The following PXDN variants were observed in gnomAD, a reference collection of about 807,000 sequenced individuals.
The protein encoded by PXDN is peroxidasin.
Under a neutral mutation model 140.3 loss-of-function variants are expected in PXDN, and 77 were observed. The ratio of observed to expected loss-of-function variants is 0.55; its 90% CI spans 0.46 to 0.66. PXDN has a LOEUF of 0.66. PXDN is among the 30% of genes least tolerant of loss of function. The pLI is 0.00. For synonymous variants in PXDN, 911 were observed against 857.4 expected (o/e 1.06, Z -1.09); for missense variants, 1,838 against 2,039.5 (o/e 0.90, Z 1.90).
chr2:1,705,299 G>C (rs1461885465), intron 1 of PXDN, among the ~76,000 whole-genome samples: 1 of 152,214 alleles, frequency 6.6e-6, no homozygotes, highest in Admixed American at 6.5e-5. Flanking sequence ...GGCTGGGGTT[G>C]GGAGGGGTGA....
chr2:1,676,404 A>C (rs1683711998), intron 8 of PXDN: 1 of 156,530 alleles, frequency 6.4e-6, no homozygotes, highest in South Asian at 1.9e-4. Flanking sequence ...GACACAAGAG[A>C]AGACTTCCTT....
intron 1 of PXDN, among the ~76,000 whole-genome samples, chr2:1,741,088 G>GCTTC (rs1203888135): frequency 2.0e-4 from 30 of 152,280 alleles, no homozygotes; most frequent in African/African-American, 7.0e-4. Flanking sequence ...CTCCAGGGAA[G>GCTTC]AGAGGAAGGC....
intron 6 of PXDN, among the ~76,000 whole-genome samples, chr2:1,680,871 C>A (rs899008313): frequency 6.6e-6 from 1 of 152,198 alleles, no homozygotes; most frequent in Admixed American, 6.5e-5. Flanking sequence ...GGCTGCATCT[C>A]CTGGCTGGGG....
At chr2:1,675,514 G>C (rs1199696056) in intron 8 of PXDN, among the ~76,000 whole-genome samples, 2 of 152,204 alleles carry the variant, frequency 1.3e-5, no homozygotes, top group Admixed American at 6.5e-5. Flanking sequence ...AAGCTGTGAA[G>C]AGAGTGACTG....
chr2:1,679,648 G>A (rs1370057917), intron 7 of PXDN, among the ~76,000 whole-genome samples: 1 of 141,384 alleles, frequency 7.1e-6, no homozygotes, highest in African/African-American at 2.7e-5. Context: ...GTCTATAAAT[G>A]GTGTGTGTGT....
intron 9 of PXDN, 99 bp from the exon 10 acceptor site, chr2:1,666,585 C>T (rs1027733611): frequency 2.6e-5 from 35 of 1,360,906 alleles, no homozygotes; most frequent in South Asian, 4.6e-5. Flanking sequence ...TATTTACCAC[C>T]GAAATAGGCA....
At position 1,632,034 on chromosome 2, in the gene PXDN, C is replaced by T. The variant is rs1021732743; in HGVS notation, c.*2170G>A. 1 of 152,618 alleles carries T rather than the reference C, an allele frequency of 6.6e-6. No individual in the cohort carries two copies. The highest frequency in any genetic ancestry group is 1.5e-5 in the Non-Finnish European group (1 of 68,052). 9.5% of individuals were successfully genotyped at this position (152,618 alleles called of 1,614,324 possible). A position where few individuals can be genotyped will look rare whatever the true frequency, so the allele number is the denominator to read the frequency against. On this transcript the variant is annotated 3_prime_UTR_variant, in exon 23 of 23. Coordinates refer to ENST00000252804, the MANE Select transcript of PXDN (RefSeq NM_012293.3). This position sits in a 1 kb window ranked among gnomAD's most constrained non-coding sequence, Gnocchi z 4.3. ...AGAAAAGTAAATAAATATGTACATT[C>T]CACTCCTGTTACAGCGATCCCGCAC... is the stretch of plus-strand genomic sequence containing the variant.
chr2:1,689,196 A>ATG (rs1209041177), intron 3 of PXDN, among the ~76,000 whole-genome samples: 1 of 152,200 alleles, frequency 6.6e-6, no homozygotes, highest in African/African-American at 2.4e-5. Context: ...GTTGAAATTA[A>ATG]TGTGTGTGTA....
At chr2:1,734,073 G>A (rs1028913315) in intron 1 of PXDN, among the ~76,000 whole-genome samples, 2 of 152,148 alleles carry the variant, frequency 1.3e-5, no homozygotes, top group African/African-American at 2.4e-5. Flanking sequence ...TATAACATAT[G>A]TACAAATAAA....
At chr2:1,676,043 G>A (rs1281003187) in intron 8 of PXDN, among the ~76,000 whole-genome samples, 1 of 152,186 alleles carries the variant, frequency 6.6e-6, no homozygotes, top group African/African-American at 2.4e-5. Flanking sequence ...CACTTTGAAA[G>A]TGCTCCACTC....
chr2:1,705,822 G>A (rs1271165063), intron 1 of PXDN, among the ~76,000 whole-genome samples: 1 of 151,900 alleles, frequency 6.6e-6, no homozygotes, highest in Non-Finnish European at 1.5e-5. Context: ...GGCTGCCTAT[G>A]ACCTGGGACG....
intron 1 of PXDN, among the ~76,000 whole-genome samples, chr2:1,721,695 C>T (rs781382416): frequency 1.3e-5 from 2 of 152,104 alleles, no homozygotes; most frequent in African/African-American, 4.8e-5. Flanking sequence ...GGCTTGGTGG[C>T]GAGCGCCTGT....
intron 19 of PXDN, among the ~76,000 whole-genome samples, chr2:1,640,742 TG>T (rs1451427135): frequency 6.6e-6 from 1 of 152,100 alleles, no homozygotes; most frequent in Non-Finnish European, 1.5e-5. Context: ...CAGCAACACC[TG>T]GGGTCAAGAA....
At chr2:1,717,982 G>A (rs1308654053) in intron 1 of PXDN, among the ~76,000 whole-genome samples, 2 of 97,804 alleles carry the variant, frequency 2.0e-5, no homozygotes, top group Non-Finnish European at 2.0e-5. Flanking sequence ...AAAGCTATTC[G>A]ACTAACCAAC....
chr2:1,689,436 T>C (rs906959671), intron 3 of PXDN, among the ~76,000 whole-genome samples: 2 of 152,190 alleles, frequency 1.3e-5, no homozygotes, highest in Non-Finnish European at 2.9e-5. Flanking sequence ...CAAACTAACA[T>C]GTGTGAATGT....
intron 1 of PXDN, among the ~76,000 whole-genome samples, chr2:1,727,429 C>T (rs1418032202): frequency 1.3e-5 from 2 of 152,244 alleles, no homozygotes; most frequent in African/African-American, 4.8e-5. Context: ...GAGGTTTGCA[C>T]GCACAGCCTT....
At chr2:1,742,794 G>A (rs1162648589) in intron 1 of PXDN, among the ~76,000 whole-genome samples, 1 of 152,168 alleles carries the variant, frequency 6.6e-6, no homozygotes, top group Admixed American at 6.5e-5. Context: ...GTCTCTCTGC[G>A]GAGGAGGAGA....
intron 7 of PXDN, among the ~76,000 whole-genome samples, chr2:1,677,702 C>A (rs1572151094): frequency 6.6e-6 from 1 of 152,194 alleles, no homozygotes; most frequent in Non-Finnish European, 1.5e-5. Context: ...TGCTCCGGAG[C>A]TCCAGGCCCG....
Position 1,744,406 on chromosome 2 carries a change from A to C in PXDN, c.50T>G (p.Val17Gly), listed in dbSNP as rs1368804871. 5.3e-6 allele frequency: 8 copies of C among 1,512,884 alleles called. No individual in the cohort carries two copies. Among genetic ancestry groups the C allele is most frequent in the Non-Finnish European group, 7.0e-6 (8 of 1,137,698 alleles). 93.7% of individuals were successfully genotyped at this position (1,512,884 alleles called of 1,614,324 possible). A position where few individuals can be genotyped will look rare whatever the true frequency, so the allele number is the denominator to read the frequency against. ...CAGCGTCCCCCAGGCGCAGAACAGCACGAGCGCCAACAGGCAGCGGCGCCC... is the reference window on the plus strand; with the variant it reads ...CAGCGTCCCCCAGGCGCAGAACAGCCCGAGCGCCAACAGGCAGCGGCGCCC... ...GPGRRCLLAL[V>G]LFCAWGTLAV... is the part of the protein sequence containing the mutation. Residue 17 changes from valine (V) to glycine (G), a missense_variant, in exon 1 of 23, where the codon GTG (valine) becomes GGG (glycine). Physicochemically the swap from Val to Gly is moderately radical, Grantham distance 109. Transcript: ENST00000252804.
Sources: gnomAD v4.1 joint callset for allele counts (sites outside exome capture counted in the v4.1 genomes callset) on GRCh38, gnomAD v4.1.1 for gene constraint, Gnocchi (gnomAD v3.1) non-coding constraint, MANE v1.5 for transcripts, NCBI Gene and HGNC (gene_info 2026-07-23, HGNC 2026-07-21) for gene names.